Variants in HIBCH observed in about 807,000 individuals in gnomAD.
HIBCH encodes the protein 3-hydroxyisobutyryl-CoA hydrolase.
Under a neutral mutation model 58.2 loss-of-function variants are expected in HIBCH, and 50 were observed. The ratio of observed to expected loss-of-function variants is 0.86; its 90% confidence interval spans 0.68 to 1.09. The LOEUF (loss-of-function observed/expected upper bound fraction) is 1.09. HIBCH is among the 50% of genes least tolerant of loss of function. HIBCH has a pLI of 0.00. For missense variants in HIBCH, 450 were observed against 449.7 expected (o/e 1.00, Z -0.01); for synonymous variants, 151 against 146.9 (o/e 1.03, Z -0.20).
Position 190,239,515 on chromosome 2 carries a change from T to C in HIBCH, c.891+5372A>G, listed in dbSNP as rs184888371. ...GTGAAAAAAGTCAATGGTAGCTTGA[T>C]AGGAATAGCACTGAATCTAAAAATT... On this transcript the variant is annotated intron_variant, in intron 11 of 13. Transcript: ENST00000359678. Among the ~76,000 whole-genome samples, 912 of 152,346 alleles carry C rather than the reference T, an allele frequency of 6.0e-3. 6 individuals are homozygous for C. Among genetic ancestry groups the C allele is most frequent in the Non-Finnish European group, 8.3e-3 (565 of 68,036 alleles).
chr2:190,264,995 C>T (rs73057818), intron 6 of HIBCH, among the ~76,000 whole-genome samples: 3 of 151,794 alleles, frequency 2.0e-5, no homozygotes, highest in South Asian at 2.1e-4. Context: ...TGGTGTCATG[C>T]GCCTGTAATC....
chr2:190,283,755 G>A (rs538288683), intron 6 of HIBCH, among the ~76,000 whole-genome samples: 2 of 152,096 alleles, frequency 1.3e-5, no homozygotes, highest in Non-Finnish European at 2.9e-5. Flanking sequence ...TATTTTTAAG[G>A]GAGCTGATAA....
intron 9 of HIBCH, among the ~76,000 whole-genome samples, chr2:190,249,353 G>A (rs575681006): frequency 1.3e-4 from 20 of 152,220 alleles, no homozygotes; most frequent in Admixed American, 5.9e-4. Flanking sequence ...ATTGAACACC[G>A]TTTACAGAAA....
chr2:190,245,008 G>T, intron 10 of HIBCH, 40 bp from the exon 11 acceptor site: 3 of 1,231,026 alleles, frequency 2.4e-6, no homozygotes, highest in South Asian at 1.2e-5. Context: ...ATGTGTAAGT[G>T]ATTTCCTGTT....
intron 5 of HIBCH, among the ~76,000 whole-genome samples, chr2:190,289,718 A>G (rs559982126): frequency 1.8e-4 from 28 of 152,228 alleles, no homozygotes; most frequent in African/African-American, 2.6e-4. Flanking sequence ...ATGCTAGATA[A>G]AAGTACTGCT....
At chr2:190,301,144 G>C (rs1045881935) in intron 2 of HIBCH, among the ~76,000 whole-genome samples, 80 of 152,186 alleles carry the variant, frequency 5.3e-4, no homozygotes, top group Non-Finnish European at 1.0e-3. Context: ...AACCAGGCTA[G>C]GATGACTGGA....
At chr2:190,194,443 G>A (rs895962900) in intron 1 of HIBCH, among the ~76,000 whole-genome samples, 1 of 150,794 alleles carries the variant, frequency 6.6e-6, no homozygotes, top group African/African-American at 2.4e-5. Context: ...CAGAAAAATG[G>A]AGCAGGAAGT....
intron 5 of HIBCH, among the ~76,000 whole-genome samples, chr2:190,288,136 G>A (rs1415661726): frequency 6.8e-6 from 1 of 147,038 alleles, no homozygotes; most frequent in Non-Finnish European, 1.5e-5. Context: ...TCCAGCCTGG[G>A]CAACAGACCA....
chr2:190,302,027 C>CA (rs1258603450), intron 2 of HIBCH, among the ~76,000 whole-genome samples: 3 of 152,012 alleles, frequency 2.0e-5, no homozygotes, highest in African/African-American at 4.8e-5. Flanking sequence ...TTTTAAAAAG[C>CA]AAAAAAATTA....
At chr2:190,269,999 T>A (rs1247152162) in intron 6 of HIBCH, among the ~76,000 whole-genome samples, 2 of 151,922 alleles carry the variant, frequency 1.3e-5, no homozygotes, top group Non-Finnish European at 2.9e-5. Context: ...TATGTTCTCA[T>A]AAGTGGGAGC....
At position 190,319,765 on chromosome 2, in the gene HIBCH, A is replaced by T. The variant is rs967120568; in HGVS notation, c.-15T>A. 10 of 1,610,436 alleles carry T rather than the reference A, an allele frequency of 6.2e-6. No homozygotes were observed. Among genetic ancestry groups the T allele is most frequent in the Non-Finnish European group, 8.5e-6 (10 of 1,178,480 alleles). On this transcript the variant is annotated 5_prime_UTR_variant, in exon 1 of 14. Transcript: ENST00000359678. ...CGCTGCCCCATCGCCAAACACTCCG[A>T]AGCTAAAGCAGCAGAGCGAGAATCT...
At chr2:190,246,839 G>A (rs536528942) in intron 9 of HIBCH, among the ~76,000 whole-genome samples, 30 of 152,212 alleles carry the variant, frequency 2.0e-4, no homozygotes, top group African/African-American at 7.2e-4. Flanking sequence ...TACGGGACAC[G>A]TATCTTAGCT....
intron 13 of HIBCH, 63 bp from the exon 14 acceptor site, chr2:190,205,295 T>C: frequency 5.3e-6 from 5 of 935,954 alleles, no homozygotes; most frequent in Non-Finnish European, 8.6e-6. Flanking sequence ...AGATTTTACT[T>C]ACTGAATTGA....
At position 190,212,993 on chromosome 2, in the gene HIBCH, A is replaced by C. The variant is rs751484433; in HGVS notation, c.974T>G (p.Val325Gly). ...MEGSSKTLQE[V>G]LTMEYRLSQA... ...ACTTAGCCGATACTCCATAGTTAGTACTTCTTGCAAGGTCTTTGAAGACCC... is the reference window on the plus strand; with the variant it reads ...ACTTAGCCGATACTCCATAGTTAGTCCTTCTTGCAAGGTCTTTGAAGACCC... Residue 325 changes from valine (V) to glycine (G), a missense_variant, in exon 12 of 14, where the codon GTA becomes GGA. Transcript: ENST00000359678. 3 of 1,611,918 alleles carry C rather than the reference A, an allele frequency of 1.9e-6. No individual in the cohort carries two copies. The highest frequency in any genetic ancestry group is 2.5e-6 in the Non-Finnish European group (3 of 1,178,518).
At chr2:190,317,885 A>G (rs2354869) in intron 1 of HIBCH, among the ~76,000 whole-genome samples, 1 of 146 alleles carries the variant, frequency 6.8e-3, no homozygotes, top group East Asian at 0.17. Context: ...GTGCAGTGGC[A>G]TGATCTCGGC....
intron 2 of HIBCH, among the ~76,000 whole-genome samples, chr2:190,298,327 CCA>C (rs771919770): frequency 1.3e-5 from 2 of 152,110 alleles, no homozygotes; most frequent in African/African-American, 4.8e-5. Context: ...TGAGGAATCG[CCA>C]CAGTGTCTTC....
chr2:190,247,350 G>A (rs973615972), intron 9 of HIBCH, among the ~76,000 whole-genome samples: 5 of 152,084 alleles, frequency 3.3e-5, no homozygotes, highest in Admixed American at 3.3e-4. Context: ...CCACCGCAAA[G>A]CATAATTCAT....
intron 13 of HIBCH, 109 bp from the exon 14 acceptor site, chr2:190,205,341 A>T (rs929478825): frequency 2.9e-6 from 2 of 680,906 alleles, no homozygotes; most frequent in Admixed American, 2.7e-5. Flanking sequence ...TTTCTATCAT[A>T]CTTTTTTCCT....
At chr2:190,229,982 G>A (rs77987368) in intron 11 of HIBCH, among the ~76,000 whole-genome samples, 4,076 of 152,236 alleles carry the variant, frequency 0.027, 96 homozygotes, top group East Asian at 0.14. Context: ...GTTGGTTACT[G>A]TAGAGAGCTT....
Sources: gnomAD v4.1 joint callset for allele counts (sites outside exome capture counted in the v4.1 genomes callset) on GRCh38, gnomAD v4.1.1 for gene constraint, MANE v1.5 for transcripts, NCBI Gene and HGNC (gene_info 2026-07-23, HGNC 2026-07-21) for gene names.